The following DCC variants were observed in gnomAD, a reference collection of about 807,000 sequenced individuals.
DCC encodes netrin receptor DCC.
A neutral mutation model predicts 172.5 loss-of-function variants in DCC; 58 were observed. The ratio of observed to expected loss-of-function variants is 0.34; its 90% CI spans 0.27 to 0.42. The LOEUF is 0.42. DCC is among the 10% of genes least tolerant of loss of function. DCC has a pLI of 1.00. For missense variants in DCC, 1,740 were observed against 1,791.0 expected (o/e 0.97, Z 0.51); for synonymous variants, 709 against 644.5 (o/e 1.10, Z -1.52).
intron 5 of DCC, among the ~76,000 whole-genome samples, chr18:53,023,347 CAT>C (rs1211708054): frequency 6.8e-5 from 4 of 59,070 alleles, no homozygotes; most frequent in Admixed American, 4.0e-4. Flanking sequence ...AAAAAAAAAA[CAT>C]AAAAAAAATA....
At chr18:52,817,725 C>T (rs1246460631) in intron 2 of DCC, among the ~76,000 whole-genome samples, 5 of 151,966 alleles carry the variant, frequency 3.3e-5, no homozygotes, top group Non-Finnish European at 7.4e-5. Context: ...CTTAACACTG[C>T]ATTTTTAGAA....
rs184527467 is a variant in DCC, at chr18:53,205,431, G to A, written c.1722+67G>A. 6.4e-5 allele frequency: 98 copies of A among 1,536,338 alleles called. No homozygotes were observed. The African/African-American group carries it at 1.2e-3, about 19-fold the overall frequency. ...GTTTCCATCCATTGGATAGCTCTAG[G>A]GCTGGAGAAATAGGAAAAGACTCGC... On this transcript the variant is annotated intron_variant, in intron 10 of 28. Coordinates refer to ENST00000442544, the MANE Select transcript of DCC (RefSeq NM_005215.4).
intron 2 of DCC, among the ~76,000 whole-genome samples, chr18:52,880,552 A>G (rs570231891): frequency 6.6e-6 from 1 of 152,048 alleles, no homozygotes; most frequent in African/African-American, 2.4e-5. Flanking sequence ...CTTCTAATCT[A>G]TTTCCTGAGG....
chr18:52,827,862 G>T (rs541129223), intron 2 of DCC, among the ~76,000 whole-genome samples: 1 of 152,332 alleles, frequency 6.6e-6, no homozygotes, highest in Admixed American at 6.5e-5. Flanking sequence ...TCCCAGTGGG[G>T]CTGGGTTCGT....
chr18:53,055,463 G>GA (rs2042391259), intron 5 of DCC, among the ~76,000 whole-genome samples: 1 of 152,106 alleles, frequency 6.6e-6, no homozygotes, highest in Non-Finnish European at 1.5e-5. Context: ...TTTTGGAATA[G>GA]AAAATGCTTA....
chr18:52,993,086 C>G lies in DCC; in HGVS notation c.985+67716C>G, dbSNP rs559564235. On this transcript the variant is annotated intron_variant, in intron 5 of 28. Coordinates refer to ENST00000442544, the MANE Select transcript of DCC (RefSeq NM_005215.4). ...GAGTCCAGTAATCAGTCTTTTTTTT[C>G]TAAATGATTGTTCTAGTTGCCATAA... Among the ~76,000 whole-genome samples the G allele has an allele frequency of 1.7e-3, 261 of 150,006 alleles. 1 individual carries two copies. The highest frequency in any genetic ancestry group is 6.1e-3 in the African/African-American group (249 of 40,844).
intron 12 of DCC, among the ~76,000 whole-genome samples, chr18:53,256,411 A>G (rs920088641): frequency 6.6e-6 from 1 of 152,186 alleles, no homozygotes; most frequent in Non-Finnish European, 1.5e-5. Flanking sequence ...GAAGGGATCC[A>G]GTTTCAGCTT....
intron 1 of DCC, among the ~76,000 whole-genome samples, chr18:52,664,152 A>G (rs528787847): frequency 6.6e-6 from 1 of 152,320 alleles, no homozygotes; most frequent in African/African-American, 2.4e-5. Context: ...CTTTGCTGCT[A>G]ACAAAACTTC....
At chr18:53,383,931 T>G (rs1404410565) in intron 15 of DCC, among the ~76,000 whole-genome samples, 1 of 152,158 alleles carries the variant, frequency 6.6e-6, no homozygotes, top group Non-Finnish European at 1.5e-5. Flanking sequence ...ACATCAATAA[T>G]AATTATTGAA....
chr18:52,800,869 G>A (rs1402971483), intron 2 of DCC, among the ~76,000 whole-genome samples: 1 of 152,158 alleles, frequency 6.6e-6, no homozygotes, highest in Non-Finnish European at 1.5e-5. Context: ...ATAATTCACT[G>A]GGTAATTCTA....
chr18:53,488,934 A>G (rs1051882001), intron 26 of DCC, among the ~76,000 whole-genome samples: 4 of 152,132 alleles, frequency 2.6e-5, no homozygotes, highest in Non-Finnish European at 4.4e-5. Flanking sequence ...TGAGGCAGGC[A>G]GATCACGAGG....
chr18:53,229,782 T>C (rs1022607504), intron 12 of DCC, among the ~76,000 whole-genome samples: 9 of 152,066 alleles, frequency 5.9e-5, no homozygotes, highest in African/African-American at 2.2e-4. Flanking sequence ...AAATGTAGTT[T>C]AAAGAAAGGA....
intron 12 of DCC, among the ~76,000 whole-genome samples, chr18:53,279,447 T>C (rs1459986004): frequency 7.6e-6 from 1 of 131,806 alleles, no homozygotes; most frequent in African/African-American, 2.9e-5. Context: ...AATTGAACAA[T>C]GAGAACACAT....
chr18:52,800,176 C>G (rs1424761682), intron 2 of DCC, among the ~76,000 whole-genome samples: 1 of 152,136 alleles, frequency 6.6e-6, no homozygotes, highest in Non-Finnish European at 1.5e-5. Flanking sequence ...ATCCATGGGT[C>G]CTACTCAATA....
At chr18:53,496,799 A>C (rs1211332705) in intron 26 of DCC, among the ~76,000 whole-genome samples, 2 of 152,246 alleles carry the variant, frequency 1.3e-5, no homozygotes, top group Non-Finnish European at 2.9e-5. Context: ...TACCTGATGG[A>C]GCTGAAAAAC....
intron 5 of DCC, among the ~76,000 whole-genome samples, chr18:52,971,112 A>G (rs2041023096): frequency 6.6e-6 from 1 of 152,150 alleles, no homozygotes; most frequent in Non-Finnish European, 1.5e-5. Context: ...GACAGATGAC[A>G]GCTGTTCAAC....
chr18:53,116,680 G>C (rs2043413562), intron 7 of DCC, among the ~76,000 whole-genome samples: 1 of 151,672 alleles, frequency 6.6e-6, no homozygotes, highest in African/African-American at 2.4e-5. Flanking sequence ...TGTAGCAAAG[G>C]AGGTTGCTTT....
chr18:52,981,599 G>T (rs2041210462), intron 5 of DCC, among the ~76,000 whole-genome samples: 1 of 152,006 alleles, frequency 6.6e-6, no homozygotes, highest in African/African-American at 2.4e-5. Context: ...TATAGGTGTT[G>T]CCAACAATAT....
intron 12 of DCC, among the ~76,000 whole-genome samples, chr18:53,291,123 G>C (rs2056999064): frequency 6.6e-6 from 1 of 151,940 alleles, no homozygotes; most frequent in Admixed American, 6.6e-5. Context: ...AGCTGAGATG[G>C]TGCCACTGCA....
Sources: allele counts gnomAD v4.1 joint callset (sites outside exome capture counted in the v4.1 genomes callset), GRCh38; gene constraint gnomAD v4.1.1; transcripts MANE v1.5; gene names NCBI Gene and HGNC (gene_info 2026-07-23, HGNC 2026-07-21).